The following OLFM1 variants were observed in gnomAD, a reference collection of about 807,000 sequenced individuals.
OLFM1 encodes noelin.
A neutral mutation model predicts 49.7 loss-of-function variants in OLFM1; 9 were observed. The observed-to-expected ratio is 0.18, with a 90% confidence interval of 0.11 to 0.32. The LOEUF (loss-of-function observed/expected upper bound fraction) is 0.32, where lower values mean the gene tolerates loss of function less well. OLFM1 is among the 10% of genes least tolerant of loss of function. The probability of loss-of-function intolerance (pLI) is 1.00; values close to 1 mark genes in which losing one functional copy is unlikely to be tolerated. For missense variants in OLFM1, 369 were observed against 661.8 expected (o/e 0.56, Z 4.85); for synonymous variants, 240 against 271.8 (o/e 0.88, Z 1.15).
At chr9:135,110,479 C>T (rs1831006271) in intron 5 of OLFM1, among the ~76,000 whole-genome samples, 1 of 152,194 alleles carries the variant, frequency 6.6e-6, no homozygotes. Context: ...GTTTCAAAGT[C>T]CTTTCCCATC....
upstream of OLFM1, among the ~76,000 whole-genome samples, chr9:135,085,376 A>G (rs1267179060): frequency 6.6e-6 from 1 of 152,242 alleles, no homozygotes; most frequent in Non-Finnish European, 1.5e-5. Context: ...TGACATTTAT[A>G]AGACGAGGAT....
chr9:135,090,119 T>G, intron 1 of OLFM1, 76 bp from the exon 2 acceptor site: 1 of 1,364,620 alleles, frequency 7.3e-7, no homozygotes, highest in Non-Finnish European at 1.0e-6. Flanking sequence ...TTTCCCCTGG[T>G]TGTTGGCTCT....
intron 3 of OLFM1, among the ~76,000 whole-genome samples, chr9:135,097,564 G>A (rs1050138479): frequency 7.2e-5 from 11 of 152,248 alleles, no homozygotes; most frequent in South Asian, 2.1e-4. Flanking sequence ...AAAAGCAAGC[G>A]CTTGCCTATA....
chr9:135,075,594 C>CAGGCGTGGG, exon 1 of OLFM1: 1 of 616,120 alleles, frequency 1.6e-6, no homozygotes, highest in Non-Finnish European at 2.5e-6. Context: ...GTGCTGAATC[C>CAGGCGTGGG]AGGCGTGGGG....
intron 4 of OLFM1, chr9:135,106,261 A>C (rs1588216793): frequency 6.5e-6 from 1 of 154,498 alleles, no homozygotes; most frequent in African/African-American, 2.4e-5. Flanking sequence ...ATCGTGGGAC[A>C]GGGCCTGCCT....
chr9:135,092,599 C>A (rs766319356), intron 2 of OLFM1, among the ~76,000 whole-genome samples: 1 of 152,030 alleles, frequency 6.6e-6, no homozygotes, highest in Non-Finnish European at 1.5e-5. Context: ...CTGTGGGGGC[C>A]GGCGAGAGTC....
chr9:135,111,278 A>C (rs1200639471), intron 5 of OLFM1, among the ~76,000 whole-genome samples: 1 of 152,154 alleles, frequency 6.6e-6, no homozygotes, highest in Non-Finnish European at 1.5e-5. Flanking sequence ...CGGCAAAGAA[A>C]CCCTCATGGG....
At chr9:135,079,091 A>G (rs1035727664) in intron 1 of OLFM1, among the ~76,000 whole-genome samples, 6 of 152,204 alleles carry the variant, frequency 3.9e-5, no homozygotes, top group Non-Finnish European at 7.3e-5. Flanking sequence ...TTACAATGTT[A>G]AGTGAGTCCA....
chr9:135,120,094 C>G lies in OLFM1; in HGVS notation c.1374C>G (p.Asp458Glu), dbSNP rs1292653336. ...CCATGCTGGACTACAACCCCAAGGA[C>G]CGGGCCCTGTATGCCTGGAACAACG... ...HISMLDYNPKDRALYAWNNGH... is the reference protein window; with the variant it reads ...HISMLDYNPKERALYAWNNGH... Residue 458 changes from aspartate (D) to glutamate (E), a missense_variant, in exon 6 of 6, where the codon GAC (aspartate) becomes GAG (glutamate). Physicochemically the swap from Asp to Glu is conservative, Grantham distance 45. This residue lies in a region of OLFM1 where 294 missense variants were observed against 567.5 expected (regional missense o/e 0.52). Coordinates refer to ENST00000371793, the MANE Select transcript of OLFM1 (RefSeq NM_001282611.2). 2 of 1,614,034 alleles carry G rather than the reference C, an allele frequency of 1.2e-6. No individual in the cohort carries two copies. Among genetic ancestry groups the G allele is most frequent in the Non-Finnish European group, 1.7e-6 (2 of 1,180,038 alleles).
chr9:135,082,879 A>G (rs994505650), upstream of OLFM1, among the ~76,000 whole-genome samples: 2 of 152,216 alleles, frequency 1.3e-5, no homozygotes, highest in Non-Finnish European at 2.9e-5. Flanking sequence ...AGGCCCCATC[A>G]GTAATGCCCG....
rs142894830 is a variant in OLFM1 at position 135,120,998 on chromosome 9, G to C, written c.*820G>C. 1.3e-5 allele frequency: 2 copies of C among 152,596 alleles called. No homozygotes were observed. Among genetic ancestry groups the C allele is most frequent in the African/African-American group, 4.8e-5 (2 of 41,568 alleles). The allele number at this position is 152,596 out of a possible 1,614,324, so 9.5% of individuals were successfully genotyped here. On this transcript the variant is annotated 3_prime_UTR_variant, in exon 6 of 6. Coordinates refer to ENST00000371793, the MANE Select transcript of OLFM1 (RefSeq NM_001282611.2). ...TAATCAAAGGAATTACTCTCTTCTT[G>C]TTAAATTAGCTAAATCATGTAACCG...
intron 5 of OLFM1, among the ~76,000 whole-genome samples, chr9:135,109,591 G>A (rs1026548461): frequency 6.6e-6 from 1 of 152,144 alleles, no homozygotes; most frequent in African/African-American, 2.4e-5. Flanking sequence ...CCAACTCCCA[G>A]TGTGCTAAGT....
rs961381783 is a variant in OLFM1, at chr9:135,117,236, C to A, written c.784-2268C>A. 6.6e-6 allele frequency among the ~76,000 whole-genome samples: 1 copy of A among 152,198 alleles called. No individual in the cohort carries two copies. Among genetic ancestry groups the A allele is most frequent in the African/African-American group, 2.4e-5 (1 of 41,450 alleles). On this transcript the variant is annotated intron_variant, in intron 5 of 5. Transcript: ENST00000371793. This position sits in a 1 kb window ranked among gnomAD's most constrained non-coding sequence, Gnocchi z 5.5. ...TCATCGGAAATCTCTTCTTCTGTAA[C>A]CCCAAACTTGGGCCATTACTGGGTT...
In OLFM1 at chr9:135,119,708, A is replaced by G; in HGVS notation, c.988A>G (p.Ile330Val). The change falls in exon 6 of 6, where the codon ATC (isoleucine) becomes GTC (valine). Residue 330 changes from isoleucine to valine, a missense_variant. Physicochemically the swap from Ile to Val is conservative, Grantham distance 29. Around this residue, in one of 3 missense-constraint regions of OLFM1, gnomAD observed 294 missense variants for 567.5 expected, o/e 0.52. Transcript: ENST00000371793. ...CAGGTTTGACCTGAAGACAGAGACC[A>G]TCCTCAAGACCCGCAGCCTGGACTA... is the stretch of plus-strand genomic sequence containing the variant. ...IIRFDLKTETILKTRSLDYAG... is the reference protein window; with the variant it reads ...IIRFDLKTETVLKTRSLDYAG... The G allele has an allele frequency of 1.2e-6, 2 of 1,614,142 alleles. No homozygotes were observed.
intron 2 of OLFM1, among the ~76,000 whole-genome samples, chr9:135,091,537 ACT>A (rs1221191788): frequency 4.1e-5 from 6 of 144,850 alleles, no homozygotes; most frequent in African/African-American, 1.6e-4. Context: ...ACACAGTCAC[ACT>A]CACATAGTCA....
At chr9:135,077,725 G>A (rs1434797893) in intron 1 of OLFM1, among the ~76,000 whole-genome samples, 1 of 152,204 alleles carries the variant, frequency 6.6e-6, no homozygotes, top group Non-Finnish European at 1.5e-5. Flanking sequence ...TGTGTCCCTT[G>A]ACTCAGCCAG....
intron 5 of OLFM1, among the ~76,000 whole-genome samples, chr9:135,118,699 T>C (rs1831135870): frequency 6.6e-6 from 1 of 151,342 alleles, no homozygotes; most frequent in South Asian, 2.1e-4. Flanking sequence ...ACTGGGTCTT[T>C]GGAAATGCTC....
rs970953360 is a variant in OLFM1, at chr9:135,090,264, A to G, written c.220A>G (p.Ile74Val). Residue 74 changes from isoleucine (I) to valine (V), a missense_variant, in exon 2 of 6, where the codon ATC (isoleucine) becomes GTC (valine). Physicochemically the swap from Ile to Val is conservative, Grantham distance 29. Transcript: ENST00000371793. ...TGCCCAGGACAGCGAGGGCAGGTGT[A>G]TCTGCACAGTGGTCGCTCCACAGCA... ...SSAQDSEGRC[I>V]CTVVAPQQTM... The G allele has an allele frequency of 3.7e-6, 6 of 1,613,950 alleles. No homozygotes were observed. The highest frequency in any genetic ancestry group is 4.2e-6 in the Non-Finnish European group (5 of 1,180,032).
chr9:135,109,061 C>T (rs548753504), intron 5 of OLFM1, among the ~76,000 whole-genome samples: 2 of 152,284 alleles, frequency 1.3e-5, no homozygotes, highest in South Asian at 4.2e-4. Context: ...CTCCCTGCTG[C>T]AGAGGGCAAC....
Sources: gnomAD v4.1 joint callset for allele counts (sites outside exome capture counted in the v4.1 genomes callset) on GRCh38, gnomAD v4.1.1 for gene constraint, gnomAD v4.1.1 regional missense constraint, Gnocchi (gnomAD v3.1) non-coding constraint, MANE v1.5 for transcripts, NCBI Gene and HGNC (gene_info 2026-07-23, HGNC 2026-07-21) for gene names.